The following ZNF407 variants were observed in gnomAD, a reference collection of about 807,000 sequenced individuals.
The protein encoded by ZNF407 is zinc finger protein 407.
Under a neutral mutation model 131.2 loss-of-function variants are expected in ZNF407, and 17 were observed. That is an observed-to-expected ratio of 0.13 (90% CI 0.09 to 0.19). The LOEUF (loss-of-function observed/expected upper bound fraction) is 0.19. Ranked by LOEUF, ZNF407 falls within the 10% of genes least tolerant of loss-of-function variation. ZNF407 has a pLI of 1.00. For synonymous variants in ZNF407, 1,156 were observed against 1,062.0 expected, an observed-to-expected ratio of 1.09 and a Z score of -1.72; for missense variants, 2,681 against 2,830.6, an observed-to-expected ratio of 0.95 and a Z score of 1.20.
intron 3 of ZNF407, among the ~76,000 whole-genome samples, chr18:74,666,513 C>T (rs1260324043): frequency 6.6e-6 from 1 of 152,188 alleles, no homozygotes; most frequent in Non-Finnish European, 1.5e-5. Flanking sequence ...TCCTCCCGCT[C>T]TGCTTTGTTT....
At chr18:74,726,476 G>C (rs982264131) in intron 3 of ZNF407, among the ~76,000 whole-genome samples, 6 of 152,096 alleles carry the variant, frequency 3.9e-5, no homozygotes, top group Non-Finnish European at 7.4e-5. Flanking sequence ...AAAATATTAA[G>C]ATGCATAAAC....
At position 74,971,574 on chromosome 18, in the gene ZNF407, G is replaced by T. The variant is rs527459190; in HGVS notation, c.5428+50882G>T. Among the ~76,000 whole-genome samples the T allele has an allele frequency of 1.5e-3, 224 of 152,300 alleles. 1 individual carries two copies. The highest frequency in any genetic ancestry group is 5.1e-3 in the African/African-American group (212 of 41,558). On this transcript the variant is annotated intron_variant, in intron 8 of 8. Transcript: ENST00000299687. ...CGTAACAAGAGTCACCTTTACTCCAGTTCTCAACAAGTTCCTCATCTCCAT... is the reference window on the plus strand; with the variant it reads ...CGTAACAAGAGTCACCTTTACTCCATTTCTCAACAAGTTCCTCATCTCCAT...
In ZNF407 at chr18:74,619,034, A is replaced by T. The variant is rs1983420798; in HGVS notation, c.-53-11933A>T. Among the ~76,000 whole-genome samples the T allele has an allele frequency of 2.0e-5, 3 of 152,150 alleles. No individual in the cohort carries two copies. The South Asian group carries it at 6.2e-4, about 32-fold the overall frequency. ...GTTCTTTGATTAGTTGTCGTATTTC[A>T]TCTCTTCTCATGGACCCAGTGAATC... On this transcript the variant is annotated intron_variant, in intron 1 of 8. Transcript: ENST00000299687.
intron 3 of ZNF407, among the ~76,000 whole-genome samples, chr18:74,710,056 A>G (rs923313377): frequency 6.6e-6 from 1 of 152,196 alleles, no homozygotes; most frequent in Non-Finnish European, 1.5e-5. Flanking sequence ...TGTTCATGTA[A>G]ATACACTAAA....
At chr18:74,880,035 C>G (rs1216369813) in intron 5 of ZNF407, among the ~76,000 whole-genome samples, 1 of 152,178 alleles carries the variant, frequency 6.6e-6, no homozygotes, top group East Asian at 1.9e-4. Context: ...CATTAAATGT[C>G]TAAATGAGTA....
rs933038741 is a variant in ZNF407 at position 74,804,594 on chromosome 18, A to T, written c.4877+23092A>T. On this transcript the variant is annotated intron_variant, in intron 4 of 8. Coordinates refer to ENST00000299687, the MANE Select transcript of ZNF407 (RefSeq NM_017757.3). The stretch of plus-strand genomic sequence containing the variant: ...ATCACAATGGTACTATACATCTAAG[A>T]AAACAGAAAGTAATTAAAATGCTGA... 3 of 985,136 alleles carry T rather than the reference A, an allele frequency of 3.0e-6. No individual in the cohort carries two copies. In the Admixed American group the frequency reaches 1.8e-4, roughly 60 times the overall value. The allele number at this position is 985,136 out of a possible 1,614,324, so 61.0% of individuals were successfully genotyped here. A position where few individuals can be genotyped will look rare whatever the true frequency, so the allele number is the denominator to read the frequency against.
chr18:74,657,765 C>G (rs1052238573), intron 3 of ZNF407, among the ~76,000 whole-genome samples: 3 of 152,108 alleles, frequency 2.0e-5, no homozygotes, highest in African/African-American at 7.2e-5. Context: ...CAAATACTGT[C>G]GTCCACCCTG....
At chr18:74,609,649 C>T (rs1203301619) in intron 1 of ZNF407, among the ~76,000 whole-genome samples, 2 of 152,144 alleles carry the variant, frequency 1.3e-5, no homozygotes, top group Admixed American at 6.5e-5. Flanking sequence ...GTATAACTGG[C>T]AGTGTAGTAG....
At chr18:74,654,726 T>C (rs1985376691) in intron 3 of ZNF407, among the ~76,000 whole-genome samples, 1 of 151,878 alleles carries the variant, frequency 6.6e-6, no homozygotes, top group Non-Finnish European at 1.5e-5. Flanking sequence ...AAATTTATCT[T>C]ATATGTAAGA....
At chr18:74,997,566 T>C (rs1347839027) in intron 8 of ZNF407, among the ~76,000 whole-genome samples, 1 of 152,236 alleles carries the variant, frequency 6.6e-6, no homozygotes, top group Admixed American at 6.5e-5. Flanking sequence ...TTTGTGTCCA[T>C]GGGCCCATGT....
chr18:74,774,079 C>T lies in ZNF407; in HGVS notation c.4803-7349C>T, dbSNP rs1027749258. Among the ~76,000 whole-genome samples, 5 of 152,118 alleles carry T rather than the reference C, an allele frequency of 3.3e-5. No individual in the cohort carries two copies. In the South Asian group the frequency reaches 1.0e-3, roughly 32 times the overall value. On this transcript the variant is annotated intron_variant, in intron 3 of 8. Transcript: ENST00000299687. ...GCCAACTTTGAAGAGTTTCCACTGG[C>T]CAATTTTGGGAAAATTTGAGAATTA...
intron 3 of ZNF407, among the ~76,000 whole-genome samples, chr18:74,729,892 T>G (rs1968253521): frequency 6.6e-6 from 1 of 152,170 alleles, no homozygotes; most frequent in Admixed American, 6.5e-5. Context: ...ACAGAGGTAA[T>G]TTGATCATAG....
intron 4 of ZNF407, among the ~76,000 whole-genome samples, chr18:74,815,611 C>A (rs915049128): frequency 6.6e-6 from 1 of 152,080 alleles, no homozygotes; most frequent in East Asian, 1.9e-4. Flanking sequence ...CAATACTAAT[C>A]AAAAAATTGT....
chr18:74,783,740 A>G (rs1969652266), intron 4 of ZNF407, among the ~76,000 whole-genome samples: 1 of 152,176 alleles, frequency 6.6e-6, no homozygotes, highest in African/African-American at 2.4e-5. Context: ...ACATCAAGAA[A>G]ATCGCAAGTG....
chr18:74,928,732 C>A (rs1306649163), intron 8 of ZNF407, among the ~76,000 whole-genome samples: 1 of 152,080 alleles, frequency 6.6e-6, no homozygotes, highest in African/African-American at 2.4e-5. Context: ...ACCAGTTGTG[C>A]CTGAACTCCA....
chr18:74,889,795 C>A, intron 6 of ZNF407, 123 bp from the exon 7 acceptor site: 1 of 820,690 alleles, frequency 1.2e-6, no homozygotes, highest in African/African-American at 1.8e-5. Flanking sequence ...GTGTGGAGTC[C>A]ATTGAATCAT....
chr18:74,754,917 C>A (rs896032163), intron 3 of ZNF407, among the ~76,000 whole-genome samples: 1 of 152,162 alleles, frequency 6.6e-6, no homozygotes, highest in Non-Finnish European at 1.5e-5. Context: ...AACTTTCTGT[C>A]TCATTGATCT....
intron 8 of ZNF407, among the ~76,000 whole-genome samples, chr18:75,010,328 C>T (rs935596886): frequency 1.3e-5 from 2 of 152,074 alleles, no homozygotes; most frequent in African/African-American, 4.8e-5. Context: ...TTTTGGAGGT[C>T]CAGACAAGTG....
chr18:74,656,625 T>C (rs1985471129), intron 3 of ZNF407, among the ~76,000 whole-genome samples: 1 of 152,060 alleles, frequency 6.6e-6, no homozygotes, highest in African/African-American at 2.4e-5. Context: ...CTAAGAACAT[T>C]TCAGTGATTA....
Sources: allele counts gnomAD v4.1 joint callset (sites outside exome capture counted in the v4.1 genomes callset), GRCh38; gene constraint gnomAD v4.1.1; transcripts MANE v1.5; gene names NCBI Gene and HGNC (gene_info 2026-07-23, HGNC 2026-07-21).